WASF1: variants seen among roughly 807,000 people sequenced by gnomAD.
WASF1 encodes the protein actin-binding protein WASF1.
WASF1 carries 7 observed loss-of-function variants against 50.5 expected under a neutral mutation model. The ratio of observed to expected loss-of-function variants is 0.14; its 90% CI spans 0.08 to 0.26. WASF1 has a LOEUF of 0.26. Among genes scored for constraint, WASF1 ranks in the 10% least tolerant of loss-of-function variants. The pLI is 1.00. For synonymous variants in WASF1, 205 were observed against 244.0 expected (o/e 0.84, Z 1.49); for missense variants, 470 against 694.7 (o/e 0.68, Z 3.64).
Position 110,119,778 on chromosome 6 carries a change from GC to G in WASF1, c.134-6319del, listed in dbSNP as rs1454095408. 3.3e-5 allele frequency among the ~76,000 whole-genome samples: 5 copies of G among 152,152 alleles called. No homozygotes were observed. In the South Asian group the frequency reaches 1.0e-3, roughly 31 times the overall value. ...GCCAATATCTCTGATGAACACCAAT[GC>G]AAAAATCCTCAATAAAATACTGGCA... On this transcript the variant is annotated intron_variant, in intron 4 of 10. Transcript: ENST00000392589.
At chr6:110,141,792 G>C (rs1392521872) in intron 3 of WASF1, among the ~76,000 whole-genome samples, 1 of 150,456 alleles carries the variant, frequency 6.6e-6, no homozygotes, top group East Asian at 1.9e-4. Flanking sequence ...TTTTCTTTGA[G>C]TCGGAGTCTC....
intron 2 of WASF1, among the ~76,000 whole-genome samples, chr6:110,161,310 CAT>C (rs905713487): frequency 2.6e-5 from 4 of 151,518 alleles, no homozygotes; most frequent in African/African-American, 7.3e-5. Context: ...TAGAAGAAAA[CAT>C]ATGTTCTTAG....
intron 3 of WASF1, among the ~76,000 whole-genome samples, chr6:110,158,430 A>G (rs1318637560): frequency 1.5e-5 from 2 of 136,698 alleles, no homozygotes; most frequent in African/African-American, 5.9e-5. Flanking sequence ...TATTGTGTCT[A>G]TTTGATTCTT....
intron 2 of WASF1, among the ~76,000 whole-genome samples, chr6:110,176,623 C>T (rs907196150): frequency 5.3e-5 from 8 of 151,744 alleles, no homozygotes; most frequent in Non-Finnish European, 1.2e-4. Flanking sequence ...TATTCTTTAC[C>T]CATTCATTTT....
chr6:110,159,957 CATAGCTCTA>C (rs1776194581), intron 3 of WASF1, among the ~76,000 whole-genome samples: 1 of 151,826 alleles, frequency 6.6e-6, no homozygotes, highest in Non-Finnish European at 1.5e-5. Flanking sequence ...ATTTCTTTAA[CATAGCTCTA>C]AAAGAACAAT....
intron 3 of WASF1, among the ~76,000 whole-genome samples, chr6:110,134,421 C>T (rs1774847136): frequency 6.9e-6 from 1 of 145,782 alleles, no homozygotes; most frequent in African/African-American, 2.6e-5. Context: ...TTCTATGTGC[C>T]CTTTTTTTTT....
intron 7 of WASF1, among the ~76,000 whole-genome samples, chr6:110,106,866 G>T (rs1773345779): frequency 1.3e-5 from 2 of 152,152 alleles, no homozygotes; most frequent in Admixed American, 1.3e-4. Flanking sequence ...CCTCTGCTAT[G>T]GCACTTATTA....
At chr6:110,102,958 T>G (rs1468136985) in intron 9 of WASF1, among the ~76,000 whole-genome samples, 1 of 152,240 alleles carries the variant, frequency 6.6e-6, no homozygotes, top group Non-Finnish European at 1.5e-5. Context: ...ATCACATCTT[T>G]GGTTCCCATT....
At chr6:110,126,264 T>C (rs2114514043) in intron 4 of WASF1, among the ~76,000 whole-genome samples, 1 of 152,156 alleles carries the variant, frequency 6.6e-6, no homozygotes, top group Non-Finnish European at 1.5e-5. Context: ...TCTAACACTT[T>C]TTTTATTAGC....
At chr6:110,130,437 C>G (rs1774611841) in intron 3 of WASF1, among the ~76,000 whole-genome samples, 1 of 152,138 alleles carries the variant, frequency 6.6e-6, no homozygotes, top group African/African-American at 2.4e-5. Context: ...CAACTTTAAA[C>G]ACTATAGTTT....
intron 2 of WASF1, among the ~76,000 whole-genome samples, chr6:110,164,239 T>G (rs1776378139): frequency 6.6e-6 from 1 of 151,766 alleles, no homozygotes; most frequent in Middle Eastern, 3.4e-3. Context: ...TCTGCTCTGT[T>G]AAGACAATGT....
intron 3 of WASF1, among the ~76,000 whole-genome samples, chr6:110,154,051 CAGG>C (rs1361022238): frequency 6.6e-6 from 1 of 152,034 alleles, no homozygotes; most frequent in Non-Finnish European, 1.5e-5. Flanking sequence ...AAGTAAATTT[CAGG>C]AGAAGTTGTG....
Position 110,174,111 on chromosome 6 carries a change from C to T in WASF1, c.-127+4487G>A, listed in dbSNP as rs180676087. ...TCTGGCTTCTGTTTACCTCTGCAAC[C>T]TCATATCAAGTCACAATCCCTCTTA... On this transcript the variant is annotated intron_variant, in intron 2 of 10. Transcript: ENST00000392589. 3.7e-4 allele frequency among the ~76,000 whole-genome samples: 57 copies of T among 152,238 alleles called. 1 individual carries two copies. Among genetic ancestry groups the T allele is most frequent in the Admixed American group, 3.3e-3 (50 of 15,292 alleles).
chr6:110,127,767 G>T (rs929963302), intron 3 of WASF1, 138 bp from the exon 4 acceptor site: 12 of 736,770 alleles, frequency 1.6e-5, no homozygotes, highest in Non-Finnish European at 2.3e-5. Flanking sequence ...CTTACTGGTG[G>T]ATTTTCTTCC....
intron 3 of WASF1, among the ~76,000 whole-genome samples, chr6:110,159,739 C>A (rs892483472): frequency 6.6e-6 from 1 of 151,788 alleles, no homozygotes; most frequent in East Asian, 1.9e-4. Flanking sequence ...ACATGAAATT[C>A]ATTTATGTTT....
intron 3 of WASF1, among the ~76,000 whole-genome samples, chr6:110,141,809 T>A (rs544866049): frequency 1.3e-5 from 2 of 152,006 alleles, no homozygotes; most frequent in South Asian, 4.2e-4. Flanking sequence ...TCTCGCTCTG[T>A]CACCCAGGCT....
At chr6:110,127,752 G>T in intron 3 of WASF1, 123 bp from the exon 4 acceptor site, 1 of 883,106 alleles carries the variant, frequency 1.1e-6, no homozygotes, top group Non-Finnish European at 1.5e-6. Context: ...AACTGCCTGG[G>T]TCCACTTACT....
intron 3 of WASF1, among the ~76,000 whole-genome samples, chr6:110,133,008 TAA>T (rs1274437328): frequency 6.9e-6 from 1 of 145,188 alleles, no homozygotes; most frequent in Non-Finnish European, 1.5e-5. Flanking sequence ...TACACAGCCA[TAA>T]AAAAGAATGA....
At chr6:110,146,411 ATT>A (rs1277759243) in intron 3 of WASF1, among the ~76,000 whole-genome samples, 1 of 151,670 alleles carries the variant, frequency 6.6e-6, no homozygotes, top group Non-Finnish European at 1.5e-5. Flanking sequence ...CATAGAAATA[ATT>A]TTCTTAATAA....
Sources: allele counts gnomAD v4.1 joint callset (sites outside exome capture counted in the v4.1 genomes callset), GRCh38; gene constraint gnomAD v4.1.1; transcripts MANE v1.5; gene names NCBI Gene and HGNC (gene_info 2026-07-23, HGNC 2026-07-21).